Variants in EBF2 observed in about 807,000 individuals in gnomAD.
EBF2 encodes EBF transcription factor 2, also known as transcription factor COE2.
Under a neutral mutation model 72.8 loss-of-function variants are expected in EBF2, and 21 were observed. The ratio of observed to expected loss-of-function variants is 0.29; its 90% confidence interval spans 0.20 to 0.42. The LOEUF is 0.42. Among genes scored for constraint, EBF2 ranks in the 10% least tolerant of loss-of-function variants. The pLI is 1.00. For synonymous variants in EBF2, 299 were observed against 274.2 expected (o/e 1.09, Z -0.89); for missense variants, 637 against 731.2 (o/e 0.87, Z 1.49).
chr8:26,036,324 G>A (rs1370827939), intron 5 of EBF2, among the ~76,000 whole-genome samples: 1 of 151,996 alleles, frequency 6.6e-6, no homozygotes, highest in Non-Finnish European at 1.5e-5. Flanking sequence ...AAAGAAAAAT[G>A]CAGATAAACT....
At position 25,860,460 on chromosome 8, in the gene EBF2, A is replaced by T. The variant is rs1351355527; in HGVS notation, c.1342+589T>A. Among the ~76,000 whole-genome samples, 3 of 150,198 alleles carry T rather than the reference A, an allele frequency of 2.0e-5. No homozygotes were observed. In the East Asian group the frequency reaches 5.9e-4, roughly 29 times the overall value. On this transcript the variant is annotated intron_variant, in intron 13 of 15. Coordinates refer to ENST00000520164, the MANE Select transcript of EBF2 (RefSeq NM_022659.4). ...GTAAACCTATTTTCTATAAGCCCAA[A>T]CCCTTCTAAATTGATAATACCCAAT...
intron 6 of EBF2, among the ~76,000 whole-genome samples, chr8:25,916,796 G>C (rs1803225398): frequency 1.3e-5 from 2 of 152,062 alleles, no homozygotes; most frequent in African/African-American, 4.8e-5. Flanking sequence ...CAATATGCTG[G>C]CTTCTGACTG....
At chr8:25,987,712 C>T (rs528761955) in intron 6 of EBF2, among the ~76,000 whole-genome samples, 120 of 152,256 alleles carry the variant, frequency 7.9e-4, no homozygotes, top group African/African-American at 2.8e-3. Flanking sequence ...CTGTATCGTG[C>T]TACTCTTCTT....
intron 6 of EBF2, among the ~76,000 whole-genome samples, chr8:25,986,014 A>AAAAAAAAAAAAT (rs1365161288): frequency 6.7e-6 from 1 of 149,150 alleles, no homozygotes; most frequent in Non-Finnish European, 1.5e-5. Flanking sequence ...AAAAAAAAAA[A>AAAAAAAAAAAAT]AAAAAAAAAA....
intron 11 of EBF2, 137 bp from the exon 12 acceptor site, chr8:25,861,511 G>T: frequency 1.2e-6 from 1 of 835,016 alleles, no homozygotes; most frequent in Non-Finnish European, 1.9e-6. Flanking sequence ...CCTATATTTG[G>T]TTTGACAGGT....
intron 7 of EBF2, among the ~76,000 whole-genome samples, chr8:25,900,343 C>T (rs138541041): frequency 2.0e-5 from 3 of 152,244 alleles, no homozygotes; most frequent in African/African-American, 7.2e-5. Context: ...CCTGTAGTCC[C>T]AGCTACTTGG....
intron 6 of EBF2, among the ~76,000 whole-genome samples, chr8:25,976,811 A>C (rs1804275633): frequency 6.6e-6 from 1 of 152,194 alleles, no homozygotes; most frequent in African/African-American, 2.4e-5. Flanking sequence ...TAAGCCTCTA[A>C]ATGATTTGCC....
At chr8:26,003,809 T>G (rs893815470) in intron 6 of EBF2, among the ~76,000 whole-genome samples, 3 of 152,142 alleles carry the variant, frequency 2.0e-5, no homozygotes, top group Non-Finnish European at 4.4e-5. Flanking sequence ...TCACACATCC[T>G]CTGAGCCGGA....
At chr8:25,967,390 A>C (rs985234276) in intron 6 of EBF2, among the ~76,000 whole-genome samples, 3 of 152,208 alleles carry the variant, frequency 2.0e-5, no homozygotes, top group Non-Finnish European at 4.4e-5. Context: ...ATCACAAATC[A>C]AAAATGCATT....
chr8:25,980,614 G>T (rs1045822638), intron 6 of EBF2, among the ~76,000 whole-genome samples: 1 of 151,734 alleles, frequency 6.6e-6, no homozygotes, highest in Admixed American at 6.6e-5. Context: ...AATAAATATC[G>T]AATTATACAC....
At chr8:25,888,609 G>A (rs1370485986) in intron 8 of EBF2, among the ~76,000 whole-genome samples, 2 of 152,144 alleles carry the variant, frequency 1.3e-5, no homozygotes, top group Non-Finnish European at 2.9e-5. Context: ...ATCTATCATA[G>A]TTGAAGGCTT....
Position 25,986,050 on chromosome 8 carries a change from C to A in EBF2, c.551+47035G>T, listed in dbSNP as rs184891971. 3.1e-5 allele frequency among the ~76,000 whole-genome samples: 4 copies of A among 130,000 alleles called. No homozygotes were observed. The East Asian group carries it at 9.8e-4, about 32-fold the overall frequency. The allele number at this position is 130,000 out of a possible 152,430, so 85.3% of individuals were successfully genotyped here. On this transcript the variant is annotated intron_variant, in intron 6 of 15. Transcript: ENST00000520164. ...AGTACATGAGGGGTTGGGAAGGTTT[C>A]ATGAGCTTAATGATTACATGTGACA...
At chr8:25,996,705 C>A (rs1382387412) in intron 6 of EBF2, among the ~76,000 whole-genome samples, 3 of 151,806 alleles carry the variant, frequency 2.0e-5, no homozygotes, top group Non-Finnish European at 1.5e-5. Context: ...TTAAAGTAGA[C>A]CATAATTAAG....
chr8:25,845,250 T>C (rs573788225), intron 15 of EBF2, among the ~76,000 whole-genome samples: 1 of 152,308 alleles, frequency 6.6e-6, no homozygotes, highest in African/African-American at 2.4e-5. Context: ...CTCTTCTTTG[T>C]TGAGGTGGAA....
intron 5 of EBF2, among the ~76,000 whole-genome samples, chr8:26,036,152 G>T (rs779603720): frequency 3.3e-5 from 5 of 152,162 alleles, no homozygotes; most frequent in Non-Finnish European, 7.3e-5. Flanking sequence ...AGTTTGGGTA[G>T]GAATGATTCT....
chr8:25,863,966 C>T (rs1802257369), intron 10 of EBF2, among the ~76,000 whole-genome samples: 1 of 152,054 alleles, frequency 6.6e-6, no homozygotes, highest in Non-Finnish European at 1.5e-5. Flanking sequence ...TCTTTTATAA[C>T]ATTATTTTAA....
intron 15 of EBF2, among the ~76,000 whole-genome samples, chr8:25,845,718 G>A (rs1801819560): frequency 6.6e-6 from 1 of 152,200 alleles, no homozygotes; most frequent in African/African-American, 2.4e-5. Flanking sequence ...TCCTGCCTTG[G>A]CTTTCAGAGG....
intron 13 of EBF2, 84 bp downstream of exon 13, chr8:25,860,965 A>G (rs1335149764): frequency 3.3e-6 from 5 of 1,508,104 alleles, no homozygotes; most frequent in African/African-American, 1.4e-5. Flanking sequence ...TTGGACCATT[A>G]TGACCCAACC....
chr8:25,994,539 A>G (rs943552529), intron 6 of EBF2, among the ~76,000 whole-genome samples: 1 of 152,220 alleles, frequency 6.6e-6, no homozygotes, highest in African/African-American at 2.4e-5. Flanking sequence ...ATCAACTTAG[A>G]TGCCCCAAAA....
Sources: allele counts gnomAD v4.1 joint callset (sites outside exome capture counted in the v4.1 genomes callset), GRCh38; gene constraint gnomAD v4.1.1; transcripts MANE v1.5; gene names NCBI Gene and HGNC (gene_info 2026-07-23, HGNC 2026-07-21).